The following NEK6 variants were observed in gnomAD, a reference collection of about 807,000 sequenced individuals.
NEK6 encodes serine/threonine-protein kinase Nek6.
In NEK6, 27 loss-of-function variants were observed where a neutral mutation model predicts 43.5. The ratio of observed to expected loss-of-function variants is 0.62; its 90% CI spans 0.46 to 0.86. NEK6 has a LOEUF of 0.86. Among genes scored for constraint, NEK6 ranks in the 40% least tolerant of loss-of-function variants. The probability of loss-of-function intolerance (pLI) is 0.00; values close to 1 mark genes in which losing one functional copy is unlikely to be tolerated. For synonymous variants in NEK6, 167 were observed against 164.1 expected (o/e 1.02, Z -0.14); for missense variants, 318 against 414.4 (o/e 0.77, Z 2.02).
chr9:124,327,267 C>T, intron 6 of NEK6, 71 bp from the exon 7 acceptor site: 2 of 1,275,080 alleles, frequency 1.6e-6, no homozygotes, highest in Non-Finnish European at 1.1e-6. Flanking sequence ...CTTCCTCCCC[C>T]TTCCTCTCGT....
At chr9:124,291,795 T>G (rs1832433401) in intron 1 of NEK6, 3 of 984,708 alleles carry the variant, frequency 3.0e-6, no homozygotes, top group Non-Finnish European at 3.6e-6. Context: ...CAGATTCCAG[T>G]CCCTGGTAAG....
intron 1 of NEK6, among the ~76,000 whole-genome samples, chr9:124,274,123 AAGAG>A (rs760925796): frequency 3.6e-5 from 5 of 140,820 alleles, no homozygotes; most frequent in African/African-American, 1.3e-4. Context: ...AAGGGAAAGA[AAGAG>A]AGGGAGAGAA....
intron 1 of NEK6, among the ~76,000 whole-genome samples, chr9:124,279,235 A>G (rs1831785044): frequency 6.6e-6 from 1 of 150,570 alleles, no homozygotes; most frequent in African/African-American, 2.5e-5. Context: ...CCTGGGAAAC[A>G]TGGGGCTAGA....
chr9:124,292,343 T>C (rs1832463511), intron 1 of NEK6: 2 of 1,460,854 alleles, frequency 1.4e-6, no homozygotes, highest in Non-Finnish European at 1.8e-6. Flanking sequence ...TGCTTTCACA[T>C]TGAGTAATCC....
intron 4 of NEK6, 27 bp from the exon 5 acceptor site, chr9:124,321,432 C>G: frequency 7.6e-6 from 11 of 1,455,668 alleles, no homozygotes; most frequent in Non-Finnish European, 9.6e-6. Flanking sequence ...ACTTGGTGCC[C>G]CCTTCCCTCT....
At chr9:124,279,066 C>T in intron 1 of NEK6, among the ~76,000 whole-genome samples, 1 of 151,940 alleles carries the variant, frequency 6.6e-6, no homozygotes, top group Non-Finnish European at 1.5e-5. Flanking sequence ...GTGGAGTGTC[C>T]CATATTTCAA....
chr9:124,269,839 G>C (rs1046655349), intron 1 of NEK6, among the ~76,000 whole-genome samples: 3 of 152,134 alleles, frequency 2.0e-5, no homozygotes, highest in African/African-American at 7.2e-5. Context: ...GTTTACTGCA[G>C]ACTGTCCCCC....
At chr9:124,295,695 C>A (rs979880808) in intron 1 of NEK6, among the ~76,000 whole-genome samples, 2 of 152,230 alleles carry the variant, frequency 1.3e-5, no homozygotes, top group Admixed American at 1.3e-4. Flanking sequence ...GCACTGGGCA[C>A]CTGCCTGGCG....
At chr9:124,290,288 G>C (rs1832356011) in intron 1 of NEK6, among the ~76,000 whole-genome samples, 1 of 152,240 alleles carries the variant, frequency 6.6e-6, no homozygotes, top group Admixed American at 6.5e-5. Context: ...ACATGGATCT[G>C]TGGCCACCTC....
At chr9:124,276,390 T>A (rs1017778551) in intron 1 of NEK6, among the ~76,000 whole-genome samples, 1 of 152,186 alleles carries the variant, frequency 6.6e-6, no homozygotes, top group Non-Finnish European at 1.5e-5. Flanking sequence ...CCTCTGACCC[T>A]GGCCCTTCAT....
chr9:124,300,767 C>T (rs1402002727), intron 1 of NEK6, among the ~76,000 whole-genome samples: 1 of 151,766 alleles, frequency 6.6e-6, no homozygotes, highest in Non-Finnish European at 1.5e-5. Flanking sequence ...CATTCTCGCC[C>T]CCTCAGCTGT....
chr9:124,290,906 A>G (rs1832386934), intron 1 of NEK6, among the ~76,000 whole-genome samples: 1 of 152,208 alleles, frequency 6.6e-6, no homozygotes, highest in Non-Finnish European at 1.5e-5. Flanking sequence ...TAGCAGTTCC[A>G]GGGCCTGCTC....
At chr9:124,270,596 T>C (rs1831400337) in intron 1 of NEK6, among the ~76,000 whole-genome samples, 1 of 152,198 alleles carries the variant, frequency 6.6e-6, no homozygotes. Flanking sequence ...TTTTGTTTGC[T>C]ATTTAATGTC....
At chr9:124,333,695 G>C (rs561910934) in intron 7 of NEK6, among the ~76,000 whole-genome samples, 1 of 151,884 alleles carries the variant, frequency 6.6e-6, no homozygotes, top group East Asian at 1.9e-4. Context: ...TGGCCCCCAG[G>C]TCTGGAGTTG....
intron 1 of NEK6, among the ~76,000 whole-genome samples, chr9:124,296,713 C>A (rs1292629865): frequency 6.6e-6 from 1 of 152,216 alleles, no homozygotes; most frequent in Non-Finnish European, 1.5e-5. Flanking sequence ...AAGCAGGGTC[C>A]TTGGACAGAG....
chr9:124,348,484 C>T (rs755528707), intron 9 of NEK6, among the ~76,000 whole-genome samples: 1 of 152,166 alleles, frequency 6.6e-6, no homozygotes, highest in African/African-American at 2.4e-5. Flanking sequence ...TTTCCTGGCA[C>T]AGCAGGGTCA....
intron 1 of NEK6, among the ~76,000 whole-genome samples, chr9:124,295,694 A>G (rs1275614188): frequency 6.6e-6 from 1 of 152,140 alleles, no homozygotes; most frequent in Non-Finnish European, 1.5e-5. Flanking sequence ...GGCACTGGGC[A>G]CCTGCCTGGC....
intron 4 of NEK6, among the ~76,000 whole-genome samples, chr9:124,317,647 A>G (rs542096190): frequency 2.0e-5 from 3 of 152,312 alleles, no homozygotes; most frequent in South Asian, 2.1e-4. Flanking sequence ...ATCATACCCA[A>G]TGGGAAGTTT....
chr9:124,317,922 C>A (rs569135292), intron 4 of NEK6, among the ~76,000 whole-genome samples: 1 of 152,216 alleles, frequency 6.6e-6, no homozygotes, highest in Non-Finnish European at 1.5e-5. Context: ...TCCGGCCCAC[C>A]ATTTCTGCGC....
Sources: gnomAD v4.1 joint callset for allele counts (sites outside exome capture counted in the v4.1 genomes callset) on GRCh38, gnomAD v4.1.1 for gene constraint, MANE v1.5 for transcripts, NCBI Gene and HGNC (gene_info 2026-07-23, HGNC 2026-07-21) for gene names.